Variants in SDK2 observed in about 807,000 individuals in gnomAD.
The protein encoded by SDK2 is sidekick cell adhesion molecule 2.
SDK2 carries 105 observed loss-of-function variants against 253.9 expected under a neutral mutation model. That is an observed-to-expected ratio of 0.41 (90% CI 0.35 to 0.49). SDK2 has a LOEUF of 0.49. SDK2 is among the 20% of genes least tolerant of loss of function. The pLI, the probability that SDK2 is intolerant of heterozygous loss-of-function variation, is 0.06. For missense variants in SDK2, 2,608 were observed against 3,003.0 expected (o/e 0.87, Z 3.07); for synonymous variants, 1,249 against 1,234.9 (o/e 1.01, Z -0.24).
At chr17:73,459,744 G>A (rs1176724111) in intron 3 of SDK2, among the ~76,000 whole-genome samples, 1 of 151,596 alleles carries the variant, frequency 6.6e-6, no homozygotes, top group African/African-American at 2.4e-5. Context: ...ATGTTGCCCA[G>A]GCTGGTCATG....
intron 1 of SDK2, among the ~76,000 whole-genome samples, chr17:73,619,719 G>A (rs2046105268): frequency 6.6e-6 from 1 of 152,096 alleles, no homozygotes; most frequent in Non-Finnish European, 1.5e-5. Flanking sequence ...AAAAAAAAAT[G>A]TAAGGTGGAC....
intron 1 of SDK2, among the ~76,000 whole-genome samples, chr17:73,614,446 T>C (rs1178791850): frequency 6.6e-6 from 1 of 151,268 alleles, no homozygotes; most frequent in Admixed American, 6.6e-5. Flanking sequence ...CCTAGATGAC[T>C]GTGAGTCAGG....
chr17:73,394,393 A>G, intron 25 of SDK2, 69 bp from the exon 26 acceptor site: 3 of 1,023,098 alleles, frequency 2.9e-6, no homozygotes, highest in Non-Finnish European at 4.0e-6. Flanking sequence ...GAAGTGGACC[A>G]GGACAGGGGG....
chr17:73,456,066 C>A lies in SDK2; in HGVS notation c.332-13G>T. Reference sequence around the variant, plus strand: ...AAGCTCCCCATGTCTGCAGCCGGGACAACGGCAGTAGGATCAGGGGCGGGA... The same window carrying A: ...AAGCTCCCCATGTCTGCAGCCGGGAAAACGGCAGTAGGATCAGGGGCGGGA... On this transcript the variant is annotated splice_polypyrimidine_tract_variant and intron_variant, in intron 3 of 44. Transcript: ENST00000392650. The A allele has an allele frequency of 6.8e-7, 1 of 1,476,852 alleles. No homozygotes were observed. The highest frequency in any genetic ancestry group is 9.0e-7 in the Non-Finnish European group (1 of 1,105,884). The allele number at this position is 1,476,852 out of a possible 1,614,324, so 91.5% of individuals were successfully genotyped here.
intron 2 of SDK2, among the ~76,000 whole-genome samples, chr17:73,492,920 A>G (rs1205136235): frequency 6.6e-6 from 1 of 152,186 alleles, no homozygotes; most frequent in Non-Finnish European, 1.5e-5. Context: ...GCCTGAGCGC[A>G]TAACTGAGTC....
chr17:73,583,956 T>C (rs1194678325), intron 1 of SDK2, among the ~76,000 whole-genome samples: 1 of 152,214 alleles, frequency 6.6e-6, no homozygotes, highest in East Asian at 1.9e-4. Flanking sequence ...TGACTTCCGA[T>C]GATAGGACCC....
intron 1 of SDK2, among the ~76,000 whole-genome samples, chr17:73,569,918 G>C (rs2045360415): frequency 6.6e-6 from 1 of 152,108 alleles, no homozygotes; most frequent in Non-Finnish European, 1.5e-5. Context: ...CAGAAGATAT[G>C]GGGGTGATAA....
chr17:73,422,157 C>T (rs1599551106), intron 15 of SDK2, 130 bp downstream of exon 15: 1 of 1,007,804 alleles, frequency 9.9e-7, no homozygotes, highest in Non-Finnish European at 1.4e-6. Context: ...GATTGCTCTC[C>T]CCTTCTACAG....
chr17:73,643,946 G>A lies in SDK2; in HGVS notation c.64+79C>T, dbSNP rs62063643. 179,522 of 1,013,634 alleles carry A rather than the reference G, an allele frequency of 0.18. 23,598 individuals carry two copies. Among genetic ancestry groups the A allele is most frequent in the South Asian group, 0.27 (19,244 of 71,340 alleles). 62.8% of individuals were successfully genotyped at this position (1,013,634 alleles called of 1,614,324 possible). A position where few individuals can be genotyped will look rare whatever the true frequency, so the allele number is the denominator to read the frequency against. ...CCGGGTGTCCAGGAGGTCACCGTGA[G>A]GCCGGCCAGCTCCCGCCGCCCCTCC... On this transcript the variant is annotated intron_variant, in intron 1 of 44. Coordinates refer to ENST00000392650, the MANE Select transcript of SDK2 (RefSeq NM_001144952.2). The surrounding 1 kb of genome is among the most constrained non-coding windows in gnomAD (Gnocchi z 6.9).
chr17:73,634,500 T>C (rs1386868914), intron 1 of SDK2, among the ~76,000 whole-genome samples: 1 of 152,240 alleles, frequency 6.6e-6, no homozygotes, highest in Non-Finnish European at 1.5e-5. Context: ...ATTTGAGATT[T>C]TATGGCAGGA....
At chr17:73,593,216 G>A (rs1346519299) in intron 1 of SDK2, among the ~76,000 whole-genome samples, 2 of 152,186 alleles carry the variant, frequency 1.3e-5, no homozygotes, top group Non-Finnish European at 2.9e-5. Flanking sequence ...CAGTGTGGAT[G>A]TGGGGCTCTG....
chr17:73,624,185 T>C (rs1183414671), intron 1 of SDK2, among the ~76,000 whole-genome samples: 3 of 152,226 alleles, frequency 2.0e-5, no homozygotes, highest in Non-Finnish European at 4.4e-5. Context: ...CCAGGCAAGC[T>C]GATAGAACTG....
At chr17:73,401,245 CTGTGA>C (rs1368085953) in intron 20 of SDK2, 34 bp from the exon 21 acceptor site, 1 of 1,516,596 alleles carries the variant, frequency 6.6e-7, no homozygotes, top group Non-Finnish European at 8.9e-7. Context: ...ATGAGCTTGG[CTGTGA>C]TCACAAGTTG....
chr17:73,598,701 G>A (rs1172815096), intron 1 of SDK2, among the ~76,000 whole-genome samples: 1 of 152,174 alleles, frequency 6.6e-6, no homozygotes, highest in African/African-American at 2.4e-5. Flanking sequence ...GTCCCACCGG[G>A]AGCAGCCCAT....
chr17:73,397,608 C>T (rs966064209), intron 24 of SDK2, among the ~76,000 whole-genome samples: 7 of 152,194 alleles, frequency 4.6e-5, no homozygotes, highest in African/African-American at 1.7e-4. Flanking sequence ...GGTCAGGACC[C>T]TCAACACACA....
At chr17:73,339,281 C>T (rs1252768075) in intron 44 of SDK2, among the ~76,000 whole-genome samples, 2 of 145,774 alleles carry the variant, frequency 1.4e-5, no homozygotes, top group Non-Finnish European at 3.0e-5. Context: ...GGCTGGAGTA[C>T]ATTGGCATGA....
At chr17:73,522,773 C>A (rs527775289) in intron 1 of SDK2, among the ~76,000 whole-genome samples, 2 of 152,334 alleles carry the variant, frequency 1.3e-5, no homozygotes, top group East Asian at 3.9e-4. Context: ...AGGAGAGAGA[C>A]AGAAACACAA....
intron 1 of SDK2, among the ~76,000 whole-genome samples, chr17:73,633,292 A>G (rs988307252): frequency 6.6e-6 from 1 of 152,122 alleles, no homozygotes; most frequent in Non-Finnish European, 1.5e-5. Context: ...AAAAAATATA[A>G]AATTAAATAT....
At chr17:73,548,376 C>T (rs943929181) in intron 1 of SDK2, among the ~76,000 whole-genome samples, 3 of 152,230 alleles carry the variant, frequency 2.0e-5, no homozygotes, top group Non-Finnish European at 2.9e-5. Context: ...ACCCTCTTCC[C>T]TATCCCCCCT....
Sources: allele counts gnomAD v4.1 joint callset (sites outside exome capture counted in the v4.1 genomes callset), GRCh38; gene constraint gnomAD v4.1.1; non-coding constraint Gnocchi (gnomAD v3.1); transcripts MANE v1.5; gene names NCBI Gene and HGNC (gene_info 2026-07-23, HGNC 2026-07-21).